The following CACNA2D3 variants were observed in gnomAD, a reference collection of about 807,000 sequenced individuals.
CACNA2D3 encodes the protein voltage-dependent calcium channel subunit alpha-2/delta-3.
In CACNA2D3, 60 loss-of-function variants were observed where a neutral mutation model predicts 160.6. The ratio of observed to expected loss-of-function variants is 0.37; its 90% CI spans 0.30 to 0.46. The LOEUF is 0.46. Among genes scored for constraint, CACNA2D3 ranks in the 20% least tolerant of loss-of-function variants. The probability of loss-of-function intolerance (pLI) is 1.00; values close to 1 mark genes in which losing one functional copy is unlikely to be tolerated. For synonymous variants in CACNA2D3, 558 were observed against 492.9 expected, an observed-to-expected ratio of 1.13 and a Z score of -1.75; for missense variants, 1,205 against 1,365.0, an observed-to-expected ratio of 0.88 and a Z score of 1.85.
intron 2 of CACNA2D3, among the ~76,000 whole-genome samples, chr3:54,265,083 C>T (rs966279746): frequency 2.0e-5 from 3 of 152,120 alleles, no homozygotes; most frequent in African/African-American, 7.2e-5. Context: ...GATTTATAAT[C>T]CTTTGGGTAT....
chr3:54,146,649 C>A (rs1271093204), intron 2 of CACNA2D3, among the ~76,000 whole-genome samples: 1 of 152,228 alleles, frequency 6.6e-6, no homozygotes, highest in Non-Finnish European at 1.5e-5. Flanking sequence ...GAGTTCTCCA[C>A]ACATCCAGCA....
At chr3:54,270,472 A>G (rs1003410042) in intron 2 of CACNA2D3, among the ~76,000 whole-genome samples, 1 of 152,172 alleles carries the variant, frequency 6.6e-6, no homozygotes, top group Non-Finnish European at 1.5e-5. Flanking sequence ...TCATTCTTGA[A>G]CCATGGCTTT....
intron 10 of CACNA2D3, chr3:54,639,010 G>C (rs1052209464): frequency 1.3e-5 from 2 of 152,070 alleles, no homozygotes; most frequent in African/African-American, 4.9e-5. Flanking sequence ...GAAGGGGTGG[G>C]GGTTTCTTCC....
chr3:54,574,258 A>G (rs945235338), intron 8 of CACNA2D3, among the ~76,000 whole-genome samples: 4 of 152,138 alleles, frequency 2.6e-5, no homozygotes, highest in Non-Finnish European at 4.4e-5. Context: ...GTGCAAATCT[A>G]ATTCATCATT....
At chr3:54,886,871 ATAACT>A (rs1699938119) in intron 23 of CACNA2D3, among the ~76,000 whole-genome samples, 1 of 150,218 alleles carries the variant, frequency 6.7e-6, no homozygotes, top group African/African-American at 2.5e-5. Context: ...ATTCCACTAC[ATAACT>A]TAATATATTC....
At chr3:54,671,719 G>C (rs1219023771) in intron 11 of CACNA2D3, among the ~76,000 whole-genome samples, 1 of 152,202 alleles carries the variant, frequency 6.6e-6, no homozygotes. Flanking sequence ...CATGGAGGGA[G>C]GGGACAAAGT....
At chr3:54,140,298 G>A (rs7623515) in intron 2 of CACNA2D3, among the ~76,000 whole-genome samples, 26,071 of 152,166 alleles carry the variant, frequency 0.17, 2,273 homozygotes, top group South Asian at 0.23. Context: ...AACAAATACT[G>A]GATGCAGTGG....
rs148345941 is a variant in CACNA2D3 at position 54,798,672 on chromosome 3, G to A, written c.1381-18181G>A. On this transcript the variant is annotated intron_variant, in intron 13 of 37. Transcript: ENST00000474759. ...TTACTATAAGACAGAATCTCACTGCGTCATAGGGCATTTTTCCTGGACTGC... is the reference window on the plus strand; with the variant it reads ...TTACTATAAGACAGAATCTCACTGCATCATAGGGCATTTTTCCTGGACTGC... 1.9e-3 allele frequency among the ~76,000 whole-genome samples: 284 copies of A among 152,324 alleles called. 3 individuals are homozygous for A. Among genetic ancestry groups the A allele is most frequent in the African/African-American group, 6.4e-3 (264 of 41,570 alleles).
chr3:54,871,571 C>G lies in CACNA2D3; in HGVS notation c.1659C>G (p.Asn553Lys), dbSNP rs1057400580. ...AAGGAAAAAAGCGAAGGAAACCTAA[C>G]TATAGTAGCGTTGACCTCTCTGAGG... is the stretch of plus-strand genomic sequence containing the variant. Reference protein sequence around the residue: ...YEEGKKRRKPNYSSVDLSEVE... With the variant: ...YEEGKKRRKPKYSSVDLSEVE... Residue 553 changes from asparagine (N) to lysine (K), a missense_variant, in exon 18 of 38, where the codon AAC becomes AAG. Physicochemically the swap from Asn to Lys is moderately conservative, Grantham distance 94 (BLOSUM62 0). Around this residue, in one of 3 missense-constraint regions of CACNA2D3, gnomAD observed 911 missense variants for 1,002.2 expected, o/e 0.91. Coordinates refer to ENST00000474759, the MANE Select transcript of CACNA2D3 (RefSeq NM_018398.3). The G allele has an allele frequency of 2.5e-6, 4 of 1,613,608 alleles. No homozygotes were observed. The highest frequency in any genetic ancestry group is 4.5e-5 in the East Asian group (2 of 44,864).
chr3:54,739,755 G>A (rs1236757999), intron 11 of CACNA2D3, among the ~76,000 whole-genome samples: 2 of 3,482 alleles, frequency 5.7e-4, no homozygotes, highest in Non-Finnish European at 0.017. Context: ...TCATATATGT[G>A]TGTGTGTGTG....
intron 13 of CACNA2D3, among the ~76,000 whole-genome samples, chr3:54,796,737 G>C (rs1442711587): frequency 3.3e-5 from 5 of 152,166 alleles, no homozygotes; most frequent in Admixed American, 3.3e-4. Context: ...GCCATTTACT[G>C]TGTTCACTTC....
At chr3:54,993,836 A>C (rs938144202) in intron 31 of CACNA2D3, among the ~76,000 whole-genome samples, 6 of 135,154 alleles carry the variant, frequency 4.4e-5, no homozygotes, top group African/African-American at 1.7e-4. Flanking sequence ...CCATTGTCTT[A>C]TCTGTCTCTC....
At chr3:54,221,502 A>G (rs1457993058) in intron 2 of CACNA2D3, among the ~76,000 whole-genome samples, 3 of 152,252 alleles carry the variant, frequency 2.0e-5, no homozygotes, top group Non-Finnish European at 4.4e-5. Context: ...AAATGTGAAC[A>G]TTACATCTCT....
At chr3:54,901,208 A>C (rs192176700) in intron 27 of CACNA2D3, 22 of 152,238 alleles carry the variant, frequency 1.4e-4, no homozygotes, top group Admixed American at 1.3e-3. Flanking sequence ...GTCTCCCGGG[A>C]GCTGAGGCCA....
At chr3:54,480,332 A>G (rs1700912733) in intron 4 of CACNA2D3, among the ~76,000 whole-genome samples, 1 of 152,078 alleles carries the variant, frequency 6.6e-6, no homozygotes, top group African/African-American at 2.4e-5. Context: ...CAGGGAACAT[A>G]CCATTGTTGA....
At chr3:54,442,077 A>G (rs576568935) in intron 4 of CACNA2D3, among the ~76,000 whole-genome samples, 34 of 152,276 alleles carry the variant, frequency 2.2e-4, no homozygotes, top group East Asian at 7.7e-4. Context: ...CTAAGTAGCA[A>G]GGACTATAGA....
intron 3 of CACNA2D3, among the ~76,000 whole-genome samples, chr3:54,362,262 G>A (rs1698756199): frequency 6.6e-6 from 1 of 152,182 alleles, no homozygotes; most frequent in Non-Finnish European, 1.5e-5. Flanking sequence ...CTTCTTCCAA[G>A]CTCCTTCAGG....
chr3:54,890,256 G>T (rs951664399), intron 24 of CACNA2D3, among the ~76,000 whole-genome samples: 3 of 152,200 alleles, frequency 2.0e-5, no homozygotes, highest in Admixed American at 6.5e-5. Context: ...CAGCACTTTG[G>T]GAGGCCGAGG....
chr3:54,717,335 A>C (rs1020449438), intron 11 of CACNA2D3, among the ~76,000 whole-genome samples: 2 of 152,206 alleles, frequency 1.3e-5, no homozygotes, highest in African/African-American at 4.8e-5. Context: ...TCTATTAGGG[A>C]ATATCCAGGA....
Sources: allele counts gnomAD v4.1 joint callset (sites outside exome capture counted in the v4.1 genomes callset), GRCh38; gene constraint gnomAD v4.1.1; regional missense constraint gnomAD v4.1.1; transcripts MANE v1.5; gene names NCBI Gene and HGNC (gene_info 2026-07-23, HGNC 2026-07-21).